Variants in CNTN4 observed in about 807,000 individuals in gnomAD.
CNTN4 encodes the protein contactin 4.
In CNTN4, 77 loss-of-function variants were observed where a neutral mutation model predicts 122.5. The observed-to-expected ratio is 0.63, with a 90% CI of 0.52 to 0.76. CNTN4 has a LOEUF of 0.76. CNTN4 is among the 30% of genes least tolerant of loss of function. The pLI is 0.00. For missense variants in CNTN4, 1,256 were observed against 1,259.1 expected (o/e 1.00, Z 0.04); for synonymous variants, 512 against 447.0 (o/e 1.15, Z -1.83).
At chr3:2,351,232 G>T (rs1575436203) in intron 3 of CNTN4, among the ~76,000 whole-genome samples, 1 of 152,132 alleles carries the variant, frequency 6.6e-6, no homozygotes, top group Admixed American at 6.5e-5. Context: ...AGTCAAACTA[G>T]AAAGAGTGAA....
rs116223657 is a variant in CNTN4, at chr3:2,684,257, A to G, written c.56-51958A>G. On this transcript the variant is annotated intron_variant, in intron 4 of 24. Coordinates refer to ENST00000418658, the MANE Select transcript of CNTN4 (RefSeq NM_175607.3). Reference sequence around the variant, plus strand: ...AGGCTTCAAGGGGAGAGTAAGATGAATGAATCCCATTGAGGAAAAAAGAGC... The same window carrying G: ...AGGCTTCAAGGGGAGAGTAAGATGAGTGAATCCCATTGAGGAAAAAAGAGC... 4.6e-3 allele frequency among the ~76,000 whole-genome samples: 696 copies of G among 152,302 alleles called. 5 individuals carry two copies. Among genetic ancestry groups the G allele is most frequent in the African/African-American group, 0.016 (666 of 41,578 alleles).
chr3:3,043,174 A>T lies in CNTN4; in HGVS notation c.2698+11A>T. 6.2e-7 allele frequency: 1 copy of T among 1,613,820 alleles called. No homozygotes were observed. The highest frequency in any genetic ancestry group is 8.5e-7 in the Non-Finnish European group (1 of 1,179,828). On this transcript the variant is annotated intron_variant, in intron 22 of 24. Coordinates refer to ENST00000418658, the MANE Select transcript of CNTN4 (RefSeq NM_175607.3). ...CAACCCGAAAGCCACGTAAGAACAG[A>T]CTTGCTCAGAAATATTTTGGGGATT...
intron 4 of CNTN4, among the ~76,000 whole-genome samples, chr3:2,634,217 G>C (rs1200154774): frequency 6.6e-6 from 1 of 152,090 alleles, no homozygotes; most frequent in African/African-American, 2.4e-5. Context: ...TTAACATTCA[G>C]TCTGTAGTAT....
intron 4 of CNTN4, among the ~76,000 whole-genome samples, chr3:2,705,861 T>TA (rs2086687050): frequency 2.3e-5 from 2 of 88,182 alleles, no homozygotes; most frequent in South Asian, 6.3e-4. Flanking sequence ...ATATATGTGT[T>TA]TATATATAAT....
chr3:2,582,903 C>CAAA (rs10554418), intron 4 of CNTN4, among the ~76,000 whole-genome samples: 19 of 140,764 alleles, frequency 1.3e-4, no homozygotes, highest in African/African-American at 3.4e-4. Flanking sequence ...AGTTCTGATA[C>CAAA]AAAAAAAAAA....
At chr3:2,120,405 A>ATATATATATT (rs1428527983) in intron 2 of CNTN4, among the ~76,000 whole-genome samples, 2 of 40,866 alleles carry the variant, frequency 4.9e-5, no homozygotes, top group South Asian at 9.4e-4. Flanking sequence ...ATATATATAT[A>ATATATATATT]TTTTTTTTTT....
chr3:2,211,759 T>C (rs2038631370), intron 2 of CNTN4, among the ~76,000 whole-genome samples: 1 of 152,174 alleles, frequency 6.6e-6, no homozygotes. Context: ...ACGTGACTCA[T>C]GAGTCACCAA....
chr3:2,439,565 C>T (rs1480280009), intron 3 of CNTN4, among the ~76,000 whole-genome samples: 5 of 152,026 alleles, frequency 3.3e-5, no homozygotes, highest in African/African-American at 4.8e-5. Context: ...GAATGTTCCA[C>T]CTTAGCTTGA....
intron 13 of CNTN4, among the ~76,000 whole-genome samples, chr3:2,971,732 T>C (rs1323410062): frequency 2.0e-5 from 3 of 152,240 alleles, no homozygotes; most frequent in African/African-American, 7.2e-5. Context: ...ATAAAAACTT[T>C]ATCTTCTAGT....
At chr3:2,677,492 A>ATCTATCTG (rs1553609133) in intron 4 of CNTN4, among the ~76,000 whole-genome samples, 2 of 86,192 alleles carry the variant, frequency 2.3e-5, no homozygotes, top group African/African-American at 8.4e-5. Context: ...ATATCTATCT[A>ATCTATCTG]TCTATCTATC....
intron 2 of CNTN4, among the ~76,000 whole-genome samples, chr3:2,134,667 A>G (rs1031493965): frequency 2.2e-4 from 34 of 152,150 alleles, no homozygotes; most frequent in African/African-American, 8.2e-4. Context: ...AACTAAGGGG[A>G]TGCCGCTGGC....
chr3:2,191,500 A>C (rs978892051), intron 2 of CNTN4, among the ~76,000 whole-genome samples: 1 of 152,048 alleles, frequency 6.6e-6, no homozygotes, highest in African/African-American at 2.4e-5. Flanking sequence ...AGACCTCTCA[A>C]ACCTCCCTTC....
At chr3:2,724,248 T>C (rs1239026315) in intron 4 of CNTN4, among the ~76,000 whole-genome samples, 1 of 152,152 alleles carries the variant, frequency 6.6e-6, no homozygotes, top group Non-Finnish European at 1.5e-5. Flanking sequence ...AGAACATATG[T>C]CTGGTTTGGA....
At chr3:2,586,935 T>C (rs2080230009) in intron 4 of CNTN4, among the ~76,000 whole-genome samples, 1 of 152,142 alleles carries the variant, frequency 6.6e-6, no homozygotes, top group Non-Finnish European at 1.5e-5. Context: ...TCTTTCTCCC[T>C]TCCTCCTTCC....
chr3:2,729,259 C>T (rs993959108), intron 4 of CNTN4, among the ~76,000 whole-genome samples: 1 of 152,084 alleles, frequency 6.6e-6, no homozygotes, highest in Non-Finnish European at 1.5e-5. Flanking sequence ...TCACTGGGAT[C>T]CTAACCTGTT....
rs1271184353 is a variant in CNTN4, at chr3:2,120,394, TATATATATATA to T, written c.-145+19756_-145+19766del. Among the ~76,000 whole-genome samples, 73 of 31,648 alleles carry T rather than the reference TATATATATATA, an allele frequency of 2.3e-3. 1 individual carries two copies. Among genetic ancestry groups the T allele is most frequent in the South Asian group, 0.016 (16 of 1,026 alleles). 20.8% of individuals were successfully genotyped at this position (31,648 alleles called of 152,430 possible). A position where few individuals can be genotyped will look rare whatever the true frequency, so the allele number is the denominator to read the frequency against. Reference sequence around the variant, plus strand: ...ATATAAATATATATATATATATATATATATATATATATTTTTTTTTTTTTTTTTATGCAGAG... The same window carrying T: ...ATATAAATATATATATATATATATATTTTTTTTTTTTTTTTTTATGCAGAG... On this transcript the variant is annotated intron_variant, in intron 2 of 24. Transcript: ENST00000418658.
intron 6 of CNTN4, among the ~76,000 whole-genome samples, chr3:2,761,510 A>G (rs964928577): frequency 6.6e-6 from 1 of 151,930 alleles, no homozygotes. Context: ...ATGTAGATGT[A>G]CATTAACATG....
At chr3:2,227,512 T>C (rs2039332562) in intron 2 of CNTN4, among the ~76,000 whole-genome samples, 1 of 152,168 alleles carries the variant, frequency 6.6e-6, no homozygotes, top group Non-Finnish European at 1.5e-5. Flanking sequence ...CCCACTTTAC[T>C]TATTCGACTA....
chr3:2,784,208 T>C (rs1298414052), intron 6 of CNTN4, among the ~76,000 whole-genome samples: 1 of 151,970 alleles, frequency 6.6e-6, no homozygotes, highest in African/African-American at 2.4e-5. Context: ...CATGAATGAG[T>C]GAACGGGGAA....
Sources: allele counts gnomAD v4.1 joint callset (sites outside exome capture counted in the v4.1 genomes callset), GRCh38; gene constraint gnomAD v4.1.1; transcripts MANE v1.5; gene names NCBI Gene and HGNC (gene_info 2026-07-23, HGNC 2026-07-21).